PTGFRN: variants seen among roughly 807,000 people sequenced by gnomAD.
PTGFRN encodes the protein prostaglandin F2 receptor negative regulator.
PTGFRN carries 35 observed loss-of-function variants against 83.2 expected under a neutral mutation model. The ratio of observed to expected loss-of-function variants is 0.42; its 90% CI spans 0.32 to 0.56. The LOEUF is 0.56. Among genes scored for constraint, PTGFRN ranks in the 20% least tolerant of loss-of-function variants. The probability of loss-of-function intolerance (pLI) is 0.11; values close to 1 mark genes in which losing one functional copy is unlikely to be tolerated. For missense variants in PTGFRN, 1,051 were observed against 1,179.5 expected, an observed-to-expected ratio of 0.89 and a Z score of 1.60; for synonymous variants, 519 against 498.6, an observed-to-expected ratio of 1.04 and a Z score of -0.55.
chr1:116,982,622 G>A (rs1288649424), intron 7 of PTGFRN, among the ~76,000 whole-genome samples: 3 of 152,208 alleles, frequency 2.0e-5, no homozygotes, highest in South Asian at 2.1e-4. Flanking sequence ...CACTGAGGGA[G>A]GGAGGGACTT....
chr1:116,982,887 G>A lies in PTGFRN; in HGVS notation c.2168-1793G>A, dbSNP rs73002219. On this transcript the variant is annotated intron_variant, in intron 7 of 8. Coordinates refer to ENST00000393203, the MANE Select transcript of PTGFRN (RefSeq NM_020440.4). Reference sequence around the variant, plus strand: ...TCTGGAGGGGGGAGGGTACAGGTGTGTGAATTTTAACAGCCAGTACCTGCA... The same window carrying A: ...TCTGGAGGGGGGAGGGTACAGGTGTATGAATTTTAACAGCCAGTACCTGCA... Among the ~76,000 whole-genome samples the A allele has an allele frequency of 4.8e-3, 731 of 152,304 alleles. 5 individuals carry two copies. Among genetic ancestry groups the A allele is most frequent in the African/African-American group, 0.017 (696 of 41,570 alleles).
chr1:116,911,049 G>T (rs72699111), intron 1 of PTGFRN, among the ~76,000 whole-genome samples: 12 of 149,502 alleles, frequency 8.0e-5, no homozygotes, highest in Non-Finnish European at 1.8e-4. Flanking sequence ...TCTTTTGTGG[G>T]TTTTTTCCCT....
chr1:116,957,658 C>G (rs1162047238), intron 4 of PTGFRN, among the ~76,000 whole-genome samples: 1 of 152,056 alleles, frequency 6.6e-6, no homozygotes, highest in East Asian at 1.9e-4. Flanking sequence ...TTAGCAGTTT[C>G]CAAGTATACA....
chr1:116,926,720 T>G (rs1006252067), intron 1 of PTGFRN, among the ~76,000 whole-genome samples: 3 of 152,204 alleles, frequency 2.0e-5, no homozygotes, highest in African/African-American at 7.2e-5. Context: ...TACTGAGTCT[T>G]TAAGGGCAAA....
rs781574261 is a variant in PTGFRN, at chr1:116,944,890, G to T, written c.630G>T (p.Gly210=). 3.7e-6 allele frequency: 6 copies of T among 1,610,836 alleles called. No homozygotes were observed. The highest frequency in any genetic ancestry group is 8.5e-7 in the Non-Finnish European group (1 of 1,179,548). Residue 210 remains glycine (G), a synonymous_variant, in exon 3 of 9, where the codon GGG becomes GGT. Transcript: ENST00000393203. ...THEGRFHPGL[G]YEQRYHSGDV... ...AGGGCAGGTTCCACCCGGGCCTGGG[G>T]TACGAGCAGCGCTACCACAGTGGGG...
chr1:116,970,757 A>G (rs539285663), intron 6 of PTGFRN, among the ~76,000 whole-genome samples: 63 of 152,216 alleles, frequency 4.1e-4, no homozygotes, highest in African/African-American at 1.4e-3. Context: ...ACCAGCAAAC[A>G]TTGATTTGAA....
At chr1:116,922,691 G>A (rs1649566986) in intron 1 of PTGFRN, among the ~76,000 whole-genome samples, 1 of 152,138 alleles carries the variant, frequency 6.6e-6, no homozygotes, top group Non-Finnish European at 1.5e-5. Context: ...TGGGTCATTA[G>A]AAAACAGCAG....
Position 116,961,429 on chromosome 1 carries a change from T to C in PTGFRN, c.1400T>C (p.Met467Thr), listed in dbSNP as rs751454725. Reference protein sequence around the residue: ...NVVTSELLAVMDGDWTLKYGE... With the variant: ...NVVTSELLAVTDGDWTLKYGE... ...GTGACCAGCGAGCTGCTTGCAGTCA[T>C]GGACGGGGACTGGACGCTAAAATAT... Residue 467 changes from methionine to threonine, a missense_variant, in exon 5 of 9, where the codon ATG (methionine) becomes ACG (threonine). Physicochemically the swap from Met to Thr is moderately conservative, Grantham distance 81. Coordinates refer to ENST00000393203, the MANE Select transcript of PTGFRN (RefSeq NM_020440.4). The surrounding 1 kb of genome is among the most constrained non-coding windows in gnomAD (Gnocchi z 5.4). 1.5e-5 allele frequency: 25 copies of C among 1,614,038 alleles called. No individual in the cohort carries two copies. The South Asian group carries it at 2.7e-4, about 18-fold the overall frequency.
At chr1:116,936,164 T>C (rs1649917349) in intron 1 of PTGFRN, among the ~76,000 whole-genome samples, 2 of 152,244 alleles carry the variant, frequency 1.3e-5, no homozygotes, top group Non-Finnish European at 2.9e-5. Flanking sequence ...TATGTAGATA[T>C]TCTTTTTGAT....
chr1:116,919,709 G>A (rs1649493279), intron 1 of PTGFRN, among the ~76,000 whole-genome samples: 1 of 152,232 alleles, frequency 6.6e-6, no homozygotes, highest in African/African-American at 2.4e-5. Flanking sequence ...CAGGTAGTCT[G>A]GCTCCAGAGT....
At chr1:116,943,732 G>A (rs77733890) in intron 2 of PTGFRN, among the ~76,000 whole-genome samples, 8,715 of 152,142 alleles carry the variant, frequency 0.057, 315 homozygotes, top group Non-Finnish European at 0.087. Flanking sequence ...CAGTAGAGAT[G>A]GGTCTTCAGG....
intron 1 of PTGFRN, among the ~76,000 whole-genome samples, chr1:116,926,790 T>C (rs776870960): frequency 2.0e-5 from 3 of 152,186 alleles, no homozygotes; most frequent in Non-Finnish European, 4.4e-5. Context: ...AGAACCCTTA[T>C]AAATATTGTG....
At chr1:116,959,074 C>T (rs887081433) in intron 4 of PTGFRN, among the ~76,000 whole-genome samples, 1 of 152,156 alleles carries the variant, frequency 6.6e-6, no homozygotes, top group Non-Finnish European at 1.5e-5. Context: ...ATCCTGAATT[C>T]GACATGAAAG....
intron 1 of PTGFRN, among the ~76,000 whole-genome samples, chr1:116,917,631 C>T (rs1304571093): frequency 6.6e-6 from 1 of 152,036 alleles, no homozygotes; most frequent in African/African-American, 2.4e-5. Context: ...TCCCTTGTTC[C>T]CTGTCTCTCT....
intron 3 of PTGFRN, among the ~76,000 whole-genome samples, chr1:116,946,109 T>A (rs1190254100): frequency 6.6e-6 from 1 of 152,214 alleles, no homozygotes; most frequent in East Asian, 1.9e-4. Flanking sequence ...TTTTTTAAAC[T>A]GGGAAGACCT....
intron 4 of PTGFRN, among the ~76,000 whole-genome samples, chr1:116,949,853 T>C (rs1650297080): frequency 6.6e-6 from 1 of 152,202 alleles, no homozygotes; most frequent in Non-Finnish European, 1.5e-5. Context: ...AGGGCACTGC[T>C]GAATGGCTCT....
At chr1:116,956,918 C>T (rs1286632135) in intron 4 of PTGFRN, among the ~76,000 whole-genome samples, 8 of 152,094 alleles carry the variant, frequency 5.3e-5, no homozygotes, top group Non-Finnish European at 7.4e-5. Flanking sequence ...ATGGAAGAGA[C>T]ACTGAGGAGG....
intron 2 of PTGFRN, 34 bp downstream of exon 2, chr1:116,942,117 G>T (rs752014550): frequency 8.9e-6 from 14 of 1,572,782 alleles, no homozygotes; most frequent in Non-Finnish European, 1.2e-5. Flanking sequence ...TATGCCAGGG[G>T]CCAGACCTTT....
At chr1:116,972,033 T>A (rs949973184) in intron 6 of PTGFRN, among the ~76,000 whole-genome samples, 1 of 152,194 alleles carries the variant, frequency 6.6e-6, no homozygotes, top group African/African-American at 2.4e-5. Flanking sequence ...TGGTTGCTGC[T>A]AACCTGTACT....
Sources: allele counts gnomAD v4.1 joint callset (sites outside exome capture counted in the v4.1 genomes callset), GRCh38; gene constraint gnomAD v4.1.1; non-coding constraint Gnocchi (gnomAD v3.1); transcripts MANE v1.5; gene names NCBI Gene and HGNC (gene_info 2026-07-23, HGNC 2026-07-21).